APOBEC2: variants seen among roughly 807,000 people sequenced by gnomAD.
APOBEC2 encodes the protein apolipoprotein B mRNA editing enzyme catalytic subunit 2, also known as C->U-editing enzyme APOBEC-2.
In APOBEC2, 14 loss-of-function variants were observed where a neutral mutation model predicts 19.4. The observed-to-expected ratio is 0.72, with a 90% confidence interval of 0.48 to 1.13. The LOEUF is 1.13. APOBEC2 is among the 50% of genes most tolerant of loss of function. The pLI is 0.00. For synonymous variants in APOBEC2, 127 were observed against 112.1 expected, an observed-to-expected ratio of 1.13 and a Z score of -0.84; for missense variants, 304 against 277.0, an observed-to-expected ratio of 1.10 and a Z score of -0.69.
Position 41,061,833 on chromosome 6 carries a change from C to G in APOBEC2, c.637C>G (p.Leu213Val), listed in dbSNP as rs760329698. ...CTGGGAGGACATTCAGGAGAACTTC[C>G]TATACTACGAGGAGAAGTTGGCAGA... ...QPWEDIQENF[L>V]YYEEKLADIL... The change falls in exon 2 of 3, where the codon CTA becomes GTA. Residue 213 changes from leucine (L) to valine (V), a missense_variant. By Grantham distance (32) the Leu-to-Val change is conservative. Coordinates refer to ENST00000244669, the MANE Select transcript of APOBEC2 (RefSeq NM_006789.4). The G allele has an allele frequency of 2.2e-5, 36 of 1,613,964 alleles. No homozygotes were observed. The East Asian group carries it at 7.8e-4, about 35-fold the overall frequency.
intron 1 of APOBEC2, 82 bp from the exon 2 acceptor site, chr6:41,061,246 T>C: frequency 2.4e-6 from 3 of 1,225,844 alleles, no homozygotes; most frequent in Non-Finnish European, 3.3e-6. Context: ...AGTACTGACC[T>C]GGAAGAGCTA....
intron 2 of APOBEC2, among the ~76,000 whole-genome samples, 196 bp downstream of exon 2, chr6:41,062,088 C>T (rs1762885060): frequency 6.6e-6 from 1 of 152,238 alleles, no homozygotes; most frequent in African/African-American, 2.4e-5. Context: ...CCCTCCCACA[C>T]TTTTGTATCA....
intron 1 of APOBEC2, among the ~76,000 whole-genome samples, chr6:41,055,696 T>C (rs1189108649): frequency 2.0e-5 from 3 of 152,210 alleles, no homozygotes; most frequent in Non-Finnish European, 4.4e-5. Context: ...GCCCAGCTCA[T>C]AGCGATTCTG....
At chr6:41,058,399 CCA>C (rs3049087) in intron 1 of APOBEC2, among the ~76,000 whole-genome samples, 3,082 of 142,336 alleles carry the variant, frequency 0.022, 132 homozygotes, top group African/African-American at 0.06. Context: ...CACCACCCCA[CCA>C]CACACACACA....
chr6:41,058,493 T>C (rs1453938273), intron 1 of APOBEC2, among the ~76,000 whole-genome samples: 2 of 152,138 alleles, frequency 1.3e-5, no homozygotes, highest in African/African-American at 2.4e-5. Context: ...TAAAGGGCTA[T>C]AGTTAAATAT....
rs1762878022 is a variant in APOBEC2 at position 41,061,638 on chromosome 6, C to G, written c.442C>G (p.Leu148Val). The G allele has an allele frequency of 6.2e-7, 1 of 1,614,260 alleles. No individual in the cohort carries two copies. Among genetic ancestry groups the G allele is most frequent in the Non-Finnish European group, 8.5e-7 (1 of 1,180,050 alleles). ...TLSKTKNLRL[L>V]ILVGRLFMWE... Reference sequence around the variant, plus strand: ...TAGCAAGACCAAGAACCTGCGTCTGCTCATTCTGGTGGGTCGACTCTTCAT... The same window carrying G: ...TAGCAAGACCAAGAACCTGCGTCTGGTCATTCTGGTGGGTCGACTCTTCAT... Residue 148 changes from leucine (L) to valine (V), a missense_variant, in exon 2 of 3, where the codon CTC becomes GTC. Transcript: ENST00000244669.
chr6:41,054,365 G>T (rs1415008819), intron 1 of APOBEC2, among the ~76,000 whole-genome samples: 1 of 152,140 alleles, frequency 6.6e-6, no homozygotes, highest in African/African-American at 2.4e-5. Context: ...TCCCTTCATG[G>T]GGTCTCCAGG....
intron 1 of APOBEC2, among the ~76,000 whole-genome samples, chr6:41,054,080 C>T (rs541130590): frequency 2.0e-5 from 3 of 152,176 alleles, no homozygotes; most frequent in Non-Finnish European, 4.4e-5. Context: ...ATGCAGATAA[C>T]GCAGCCCAGG....
rs559935796 is a variant in APOBEC2 at position 41,056,163 on chromosome 6, C to A, written c.131+2685C>A. On this transcript the variant is annotated intron_variant, in intron 1 of 2. Coordinates refer to ENST00000244669, the MANE Select transcript of APOBEC2 (RefSeq NM_006789.4). ...GGGGTCTTGCTTCTTGCTCTGTTGC[C>A]CAGGATGGAGTGCAGTGGTGCAATC... Among the ~76,000 whole-genome samples, 51 of 152,244 alleles carry A rather than the reference C, an allele frequency of 3.3e-4. No individual in the cohort carries two copies. In the Middle Eastern group the frequency reaches 0.01, roughly 30 times the overall value.
intron 1 of APOBEC2, among the ~76,000 whole-genome samples, chr6:41,055,468 G>A (rs1762783524): frequency 1.3e-5 from 2 of 152,184 alleles, no homozygotes; most frequent in African/African-American, 4.8e-5. Flanking sequence ...CAGGGAGAGG[G>A]TGAGGGAATA....
chr6:41,054,217 T>A (rs1762767753), intron 1 of APOBEC2, among the ~76,000 whole-genome samples: 1 of 152,236 alleles, frequency 6.6e-6, no homozygotes, highest in Non-Finnish European at 1.5e-5. Flanking sequence ...TTATCCAGAT[T>A]ATGCCATCTC....
intron 1 of APOBEC2, among the ~76,000 whole-genome samples, chr6:41,060,325 G>A (rs1341509073): frequency 6.6e-6 from 1 of 152,172 alleles, no homozygotes; most frequent in Non-Finnish European, 1.5e-5. Context: ...CTATTGCCAA[G>A]ACTGTAATCT....
chr6:41,061,559 G>C lies in APOBEC2; in HGVS notation c.363G>C (p.Trp121Cys), dbSNP rs549324782. The C allele has an allele frequency of 1.3e-4, 202 of 1,614,054 alleles. No individual in the cohort carries two copies. The highest frequency in any genetic ancestry group is 1.5e-4 in the Non-Finnish European group (172 of 1,180,038). Residue 121 changes from tryptophan (W) to cysteine (C), a missense_variant, in exon 2 of 3, where the codon TGG (tryptophan) becomes TGC (cysteine). Transcript: ENST00000244669. Reference protein sequence around the residue: ...FDPALRYNVTWYVSSSPCAAC... With the variant: ...FDPALRYNVTCYVSSSPCAAC... ...CAGCCCTGCGGTACAATGTCACCTGGTATGTGTCCTCCAGCCCCTGTGCAG... is the reference window on the plus strand; with the variant it reads ...CAGCCCTGCGGTACAATGTCACCTGCTATGTGTCCTCCAGCCCCTGTGCAG...
intron 1 of APOBEC2, among the ~76,000 whole-genome samples, chr6:41,055,171 A>G (rs994261314): frequency 3.3e-5 from 5 of 152,204 alleles, no homozygotes; most frequent in African/African-American, 1.2e-4. Flanking sequence ...TAGGTGGCAC[A>G]TCTTCTTACT....
intron 2 of APOBEC2, among the ~76,000 whole-genome samples, chr6:41,063,798 T>C (rs1346979780): frequency 3.4e-5 from 5 of 148,026 alleles, no homozygotes; most frequent in African/African-American, 1.0e-4. Flanking sequence ...ATTTCATCTT[T>C]CTTTTTTTTT....
chr6:41,055,444 C>A (rs1762782775), intron 1 of APOBEC2, among the ~76,000 whole-genome samples: 2 of 152,200 alleles, frequency 1.3e-5, no homozygotes, highest in Non-Finnish European at 2.9e-5. Context: ...CCCAGAGGTG[C>A]AGCTGGGTCT....
chr6:41,061,943 TAGA>T (rs1376773054), intron 2 of APOBEC2, 51 bp downstream of exon 2: 7 of 1,483,922 alleles, frequency 4.7e-6, no homozygotes, highest in Admixed American at 3.9e-5. Flanking sequence ...TTAACTCCAG[TAGA>T]AGGTGTGAGG....
At chr6:41,060,781 C>T (rs999741857) in intron 1 of APOBEC2, among the ~76,000 whole-genome samples, 4 of 152,198 alleles carry the variant, frequency 2.6e-5, no homozygotes, top group Non-Finnish European at 5.9e-5. Flanking sequence ...ACATGAGTTA[C>T]AAGGAAGAGA....
Position 41,061,605 on chromosome 6 carries a change from A to G in APOBEC2, c.409A>G (p.Lys137Glu). 6.2e-7 allele frequency: 1 copy of G among 1,614,164 alleles called. No homozygotes were observed. Among genetic ancestry groups the G allele is most frequent in the Non-Finnish European group, 8.5e-7 (1 of 1,180,012 alleles). Residue 137 changes from lysine to glutamate, a missense_variant, in exon 2 of 3, where the codon AAA becomes GAA. Transcript: ENST00000244669. ...PCAACADRII[K>E]TLSKTKNLRL... ...TGCAGCGTGTGCTGACCGCATTATC[A>G]AAACCCTTAGCAAGACCAAGAACCT...
Sources: allele counts gnomAD v4.1 joint callset (sites outside exome capture counted in the v4.1 genomes callset), GRCh38; gene constraint gnomAD v4.1.1; transcripts MANE v1.5; gene names NCBI Gene and HGNC (gene_info 2026-07-23, HGNC 2026-07-21).